Variants in SENP2 observed in about 807,000 individuals in gnomAD.
SENP2 encodes the protein SUMO specific peptidase 2, also known as sentrin-specific protease 2.
Under a neutral mutation model 86.3 loss-of-function variants are expected in SENP2, and 16 were observed. That is an observed-to-expected ratio of 0.19 (90% confidence interval 0.13 to 0.28). The LOEUF (loss-of-function observed/expected upper bound fraction) is 0.28. Ranked by LOEUF, SENP2 falls within the 10% of genes least tolerant of loss-of-function variation. The pLI, the probability that SENP2 is intolerant of heterozygous loss-of-function variation, is 1.00. For missense variants in SENP2, 552 were observed against 703.0 expected (o/e 0.79, Z 2.43); for synonymous variants, 222 against 238.7 (o/e 0.93, Z 0.64).
chr3:185,601,790 A>C (rs556820476), intron 5 of SENP2, among the ~76,000 whole-genome samples: 47 of 151,576 alleles, frequency 3.1e-4, no homozygotes, highest in Admixed American at 2.5e-3. Context: ...GGGGCGTGCC[A>C]CCATGCCCAG....
chr3:185,599,060 C>T, intron 4 of SENP2, 36 bp downstream of exon 4: 1 of 1,463,390 alleles, frequency 6.8e-7, no homozygotes. Flanking sequence ...TTCCCGCTAC[C>T]TCCTTCTGCC....
chr3:185,627,486 C>G (rs1304161374), intron 16 of SENP2, among the ~76,000 whole-genome samples: 1 of 152,176 alleles, frequency 6.6e-6, no homozygotes, highest in Non-Finnish European at 1.5e-5. Flanking sequence ...GATCTCAGCT[C>G]ACTACAACCT....
At position 185,606,373 on chromosome 3, in the gene SENP2, C is replaced by T. The variant is rs773796979; in HGVS notation, c.493C>T (p.Arg165Cys). ...SEGCNRRPGG[R>C]RHSKGNPESS... The stretch of plus-strand genomic sequence containing the variant: ...AGGCTGTAATAGAAGACCAGGTGGC[C>T]GTCGCCATAGCAAAGGTAATCCAGA... Residue 165 changes from arginine to cysteine, a missense_variant, in exon 6 of 17, where the codon CGT (arginine) becomes TGT (cysteine). Coordinates refer to ENST00000296257, the MANE Select transcript of SENP2 (RefSeq NM_021627.3). 2.6e-5 allele frequency: 42 copies of T among 1,612,294 alleles called. No individual in the cohort carries two copies. The highest frequency in any genetic ancestry group is 5.4e-5 in the African/African-American group (4 of 74,672).
At chr3:185,590,900 CCT>C in intron 2 of SENP2, among the ~76,000 whole-genome samples, 1 of 129,962 alleles carries the variant, frequency 7.7e-6, no homozygotes, top group Non-Finnish European at 1.6e-5. Context: ...AAGAAAGTCT[CCT>C]TTTTTTTTTT....
chr3:185,614,327 A>G (rs762948901), intron 10 of SENP2, among the ~76,000 whole-genome samples: 21 of 152,154 alleles, frequency 1.4e-4, no homozygotes, highest in Non-Finnish European at 2.4e-4. Flanking sequence ...ACTTCCAGGG[A>G]AGGTGGTGAG....
chr3:185,610,122 C>A (rs185940602), intron 7 of SENP2, among the ~76,000 whole-genome samples: 3 of 147,346 alleles, frequency 2.0e-5, no homozygotes, highest in Non-Finnish European at 4.5e-5. Context: ...AATAGCAAAT[C>A]GAAGATTAAA....
intron 2 of SENP2, among the ~76,000 whole-genome samples, chr3:185,597,187 A>T (rs1382022425): frequency 3.3e-5 from 5 of 152,080 alleles, no homozygotes; most frequent in African/African-American, 1.2e-4. Context: ...AACTCTGCTT[A>T]AAAGTTGTCA....
At chr3:185,612,734 G>A (rs1374725328) in intron 9 of SENP2, 76 bp downstream of exon 9, 1 of 1,055,468 alleles carries the variant, frequency 9.5e-7, no homozygotes, top group East Asian at 2.6e-5. Context: ...TTATGAGTAA[G>A]CAGTTCTGAG....
chr3:185,624,195 AC>A, intron 15 of SENP2, 113 bp downstream of exon 15: 1 of 633,948 alleles, frequency 1.6e-6, no homozygotes, highest in Non-Finnish European at 2.7e-6. Context: ...TTTAAAGTAC[AC>A]ATCTTTTTTT....
chr3:185,626,252 A>T (rs1433256809), intron 15 of SENP2, 46 bp from the exon 16 acceptor site: 1 of 1,221,594 alleles, frequency 8.2e-7, no homozygotes, highest in South Asian at 1.3e-5. Context: ...TTTGTATTTA[A>T]TGATGTTTTA....
chr3:185,612,435 T>C (rs1722728692), intron 8 of SENP2, 172 bp from the exon 9 acceptor site: 2 of 544,230 alleles, frequency 3.7e-6, no homozygotes, highest in South Asian at 5.7e-5. Context: ...AAGATATGTA[T>C]GCATTTTTTT....
At chr3:185,589,331 T>C (rs1461000865) in intron 1 of SENP2, among the ~76,000 whole-genome samples, 2 of 152,172 alleles carry the variant, frequency 1.3e-5, no homozygotes, top group Non-Finnish European at 2.9e-5. Flanking sequence ...GAAAAAACAG[T>C]AAAAAAGAAT....
intron 4 of SENP2, among the ~76,000 whole-genome samples, chr3:185,600,164 C>A (rs1722298971): frequency 6.6e-6 from 1 of 152,166 alleles, no homozygotes; most frequent in Admixed American, 6.6e-5. Context: ...ATTTCATCAT[C>A]TGTTTGGAAT....
Position 185,632,218 on chromosome 3 carries a change from TTTTTTG to T in SENP2, c.*2380_*2385del, listed in dbSNP as rs1378222528. 8.8e-5 allele frequency: 8 copies of T among 91,130 alleles called. No homozygotes were observed. Among genetic ancestry groups the T allele is most frequent in the Admixed American group, 3.5e-4 (3 of 8,682 alleles). 5.6% of individuals were successfully genotyped at this position (91,130 alleles called of 1,614,324 possible). On this transcript the variant is annotated 3_prime_UTR_variant, in exon 17 of 17. Coordinates refer to ENST00000296257, the MANE Select transcript of SENP2 (RefSeq NM_021627.3). ...TATCACCATTAAAGCCAGTGGTTTT[TTTTTTG>T]TTTTTTTTTTTTGTTTTTTTTTTTT...
At position 185,632,946 on chromosome 3, in the gene SENP2, C is replaced by CTT. The variant is rs1712554090; in HGVS notation, c.*3102_*3103insTT. 1 of 152,178 alleles carries CTT rather than the reference C, an allele frequency of 6.6e-6. No individual in the cohort carries two copies. Among genetic ancestry groups the CTT allele is most frequent in the African/African-American group, 2.4e-5 (1 of 41,440 alleles). The allele number at this position is 152,178 out of a possible 1,614,324, so 9.4% of individuals were successfully genotyped here. On this transcript the variant is annotated 3_prime_UTR_variant, in exon 17 of 17. Coordinates refer to ENST00000296257, the MANE Select transcript of SENP2 (RefSeq NM_021627.3). ...TTTTAAAAATATACCATTGAGAACA[C>CTT]GTATCTTTCTCAAACTTGACCTTGA...
intron 14 of SENP2, among the ~76,000 whole-genome samples, chr3:185,622,330 G>C (rs1345306332): frequency 6.6e-6 from 1 of 152,158 alleles, no homozygotes; most frequent in African/African-American, 2.4e-5. Context: ...GTTTCAAATA[G>C]TAATTGCTAT....
chr3:185,598,255 C>A, intron 2 of SENP2, 157 bp from the exon 3 acceptor site: 16 of 746,152 alleles, frequency 2.1e-5, no homozygotes, highest in Non-Finnish European at 3.5e-5. Context: ...ATCCTCCCAC[C>A]TCAGCCTCCC....
At chr3:185,629,043 G>C (rs981743322) in intron 16 of SENP2, among the ~76,000 whole-genome samples, 4 of 152,054 alleles carry the variant, frequency 2.6e-5, no homozygotes, top group African/African-American at 9.7e-5. Flanking sequence ...GAACAGAATT[G>C]GCAATGTACA....
At chr3:185,616,871 C>CG (rs35308544) in intron 11 of SENP2, among the ~76,000 whole-genome samples, 1 of 151,640 alleles carries the variant, frequency 6.6e-6, no homozygotes. Context: ...TTCAAATCTT[C>CG]TTCTACCTTT....
Sources: allele counts gnomAD v4.1 joint callset (sites outside exome capture counted in the v4.1 genomes callset), GRCh38; gene constraint gnomAD v4.1.1; transcripts MANE v1.5; gene names NCBI Gene and HGNC (gene_info 2026-07-23, HGNC 2026-07-21).